The following NEO1 variants were observed in gnomAD, a reference collection of about 807,000 sequenced individuals.
The protein encoded by NEO1 is neogenin 1, also known as neogenin.
Under a neutral mutation model 159.7 loss-of-function variants are expected in NEO1, and 63 were observed. The ratio of observed to expected loss-of-function variants is 0.39; its 90% CI spans 0.32 to 0.49. The LOEUF (loss-of-function observed/expected upper bound fraction) is 0.49, where lower values mean the gene tolerates loss of function less well. Among genes scored for constraint, NEO1 ranks in the 20% least tolerant of loss-of-function variants. The pLI is 0.85. For missense variants in NEO1, 1,615 were observed against 1,831.0 expected (o/e 0.88, Z 2.15); for synonymous variants, 633 against 662.0 (o/e 0.96, Z 0.67).
chr15:73,247,940 G>A (rs749481134), intron 9 of NEO1, among the ~76,000 whole-genome samples: 37 of 152,238 alleles, frequency 2.4e-4, no homozygotes, highest in Non-Finnish European at 4.3e-4. Context: ...ACATCCTATC[G>A]TGGGTATTGT....
chr15:73,054,857 C>T (rs766584288), intron 1 of NEO1, among the ~76,000 whole-genome samples: 1 of 152,180 alleles, frequency 6.6e-6, no homozygotes, highest in Non-Finnish European at 1.5e-5. Context: ...AAGCTGTCCG[C>T]AAATCAGATG....
chr15:73,298,538 G>T lies in NEO1; in HGVS notation c.4092G>T (p.Val1364=), dbSNP rs2042468569. The change falls in exon 27 of 29, where the codon GTG becomes GTT. Residue 1364 remains valine (V), a synonymous_variant. Transcript: ENST00000261908. The part of the protein sequence containing the change: ...RPSHPLKSFA[V]PAIPPPGPPT... ...CCCACCCATTGAAGAGCTTCGCCGT[G>T]CCAGCAATCCCGCCTCCAGGACCTC... 1.2e-6 allele frequency: 2 copies of T among 1,614,004 alleles called. No individual in the cohort carries two copies. The highest frequency in any genetic ancestry group is 1.7e-5 in the Admixed American group (1 of 60,000).
At chr15:73,183,382 C>A (rs1053981608) in intron 7 of NEO1, among the ~76,000 whole-genome samples, 1 of 152,154 alleles carries the variant, frequency 6.6e-6, no homozygotes, top group African/African-American at 2.4e-5. Context: ...AGAGGAGGAA[C>A]CCTCCTGTCC....
chr15:73,218,727 G>A (rs1297271301), intron 7 of NEO1, among the ~76,000 whole-genome samples: 2 of 152,230 alleles, frequency 1.3e-5, no homozygotes, highest in Non-Finnish European at 2.9e-5. Context: ...GGTGATTGTA[G>A]TATTCCCTGA....
chr15:73,123,265 C>G (rs2071776180), intron 3 of NEO1, among the ~76,000 whole-genome samples: 1 of 152,038 alleles, frequency 6.6e-6, no homozygotes, highest in Non-Finnish European at 1.5e-5. Flanking sequence ...CCAGAAGATC[C>G]ACTCTTTAGG....
intron 7 of NEO1, among the ~76,000 whole-genome samples, chr15:73,205,654 G>C (rs2037168954): frequency 6.6e-6 from 1 of 152,106 alleles, no homozygotes; most frequent in Non-Finnish European, 1.5e-5. Flanking sequence ...ACCAGTTTAT[G>C]TCTCCCATGG....
chr15:73,131,133 C>T (rs910488523), intron 4 of NEO1, among the ~76,000 whole-genome samples: 1 of 152,062 alleles, frequency 6.6e-6, no homozygotes, highest in Non-Finnish European at 1.5e-5. Context: ...TAAATAAGAT[C>T]CAGAGTGTCA....
chr15:73,133,057 AT>A (rs2031328152), intron 4 of NEO1, among the ~76,000 whole-genome samples: 1 of 152,214 alleles, frequency 6.6e-6, no homozygotes. Context: ...AGAAGTCATT[AT>A]ACAAAAAAGA....
Position 73,244,582 on chromosome 15 carries a change from G to A in NEO1, c.1606+84G>A. 7 of 1,420,474 alleles carry A rather than the reference G, an allele frequency of 4.9e-6. No homozygotes were observed. The South Asian group carries it at 8.7e-5, about 18-fold the overall frequency. The allele number at this position is 1,420,474 out of a possible 1,614,324, so 88.0% of individuals were successfully genotyped here. A position where few individuals can be genotyped will look rare whatever the true frequency, so the allele number is the denominator to read the frequency against. ...CTTTGTTTAGCCTTGCACACCATAG[G>A]GGAGCAGAAGATAACAGTTCCTTAC... On this transcript the variant is annotated intron_variant, in intron 9 of 28. Transcript: ENST00000261908.
intron 7 of NEO1, 146 bp from the exon 8 acceptor site, chr15:73,236,201 C>CTTTTTTG (rs1374121033): frequency 8.2e-6 from 9 of 1,096,362 alleles, no homozygotes; most frequent in Admixed American, 7.9e-5. Context: ...TTGTTTATTT[C>CTTTTTTG]TTTTTTGTTT....
At position 73,207,413 on chromosome 15, in the gene NEO1, C is replaced by T. The variant is rs541051791; in HGVS notation, c.1292-28934C>T. On this transcript the variant is annotated intron_variant, in intron 7 of 28. Coordinates refer to ENST00000261908, the MANE Select transcript of NEO1 (RefSeq NM_002499.4). ...TCAATTAACCTCAGTTCCTCACTCA[C>T]CTGAAACTTCCTCCCTCAAGTTGAT... is the stretch of plus-strand genomic sequence containing the variant. 2.6e-5 allele frequency among the ~76,000 whole-genome samples: 4 copies of T among 152,298 alleles called. No homozygotes were observed. The East Asian group carries it at 7.7e-4, about 29-fold the overall frequency.
intron 7 of NEO1, among the ~76,000 whole-genome samples, chr15:73,211,898 T>G (rs2037598588): frequency 6.6e-6 from 1 of 152,234 alleles, no homozygotes; most frequent in Admixed American, 6.5e-5. Flanking sequence ...TGCCATACCC[T>G]TGACACTTTT....
At chr15:73,103,329 C>G (rs146891737) in intron 1 of NEO1, among the ~76,000 whole-genome samples, 2 of 152,294 alleles carry the variant, frequency 1.3e-5, no homozygotes, top group African/African-American at 4.8e-5. Flanking sequence ...TGTATGAAAT[C>G]GTCACTATCT....
At chr15:73,160,957 G>A (rs1412208977) in intron 5 of NEO1, among the ~76,000 whole-genome samples, 1 of 152,096 alleles carries the variant, frequency 6.6e-6, no homozygotes, top group East Asian at 1.9e-4. Flanking sequence ...TGATTCCACT[G>A]TTAGGTAGCC....
chr15:73,059,203 AGGTTTT>A (rs1275676856), intron 1 of NEO1, among the ~76,000 whole-genome samples: 1 of 152,154 alleles, frequency 6.6e-6, no homozygotes, highest in Non-Finnish European at 1.5e-5. Flanking sequence ...TTATGTAAAC[AGGTTTT>A]GATTCCCTGT....
In NEO1 at chr15:73,099,542, CTTGTG is replaced by C. The variant is rs762986002; in HGVS notation, c.131-16995_131-16991del. ...AGATTCATTATTAAGGATTTTTAAT[CTTGTG>C]TTCTTTTCCTTTGCTTATGTTTAAA... On this transcript the variant is annotated intron_variant, in intron 1 of 28. Transcript: ENST00000261908. Among the ~76,000 whole-genome samples, 196 of 152,260 alleles carry C rather than the reference CTTGTG, an allele frequency of 1.3e-3. 1 individual carries two copies. Among genetic ancestry groups the C allele is most frequent in the Middle Eastern group, 3.4e-3 (1 of 294 alleles).
chr15:73,216,822 G>A (rs373921764), intron 7 of NEO1, among the ~76,000 whole-genome samples: 31 of 152,166 alleles, frequency 2.0e-4, no homozygotes, highest in East Asian at 9.6e-4. Context: ...GTAGATTCTG[G>A]ATATTAGCCC....
At chr15:73,151,415 A>G (rs1284841809) in intron 5 of NEO1, among the ~76,000 whole-genome samples, 7 of 152,196 alleles carry the variant, frequency 4.6e-5, no homozygotes, top group Non-Finnish European at 1.0e-4. Flanking sequence ...CCTGTTTTAC[A>G]TGTCTTTAGA....
chr15:73,113,421 T>C (rs2071115750), intron 1 of NEO1, among the ~76,000 whole-genome samples: 1 of 152,262 alleles, frequency 6.6e-6, no homozygotes, highest in South Asian at 2.1e-4. Context: ...AAATGAAAAC[T>C]GTACAAAGAT....
Sources: gnomAD v4.1 joint callset for allele counts (sites outside exome capture counted in the v4.1 genomes callset) on GRCh38, gnomAD v4.1.1 for gene constraint, MANE v1.5 for transcripts, NCBI Gene and HGNC (gene_info 2026-07-23, HGNC 2026-07-21) for gene names.